The following SV2C variants were observed in gnomAD, a reference collection of about 807,000 sequenced individuals.
SV2C encodes the protein solute carrier family 22 member B3.
In SV2C, 49 loss-of-function variants were observed where a neutral mutation model predicts 79.7. That is an observed-to-expected ratio of 0.61 (90% CI 0.49 to 0.78). The LOEUF (loss-of-function observed/expected upper bound fraction) is 0.78. Among genes scored for constraint, SV2C ranks in the 30% least tolerant of loss-of-function variants. SV2C has a pLI of 0.00. For missense variants in SV2C, 833 were observed against 912.9 expected (o/e 0.91, Z 1.13); for synonymous variants, 334 against 333.2 (o/e 1.00, Z -0.03).
At chr5:76,070,046 C>T in the SV2C span, among the ~76,000 whole-genome samples, 5 of 152,146 alleles carry the variant, frequency 3.3e-5, no homozygotes, top group African/African-American at 1.2e-4. Flanking sequence ...TCTCTCAGGT[C>T]ATCTTCCACA....
chr5:76,076,392 C>T, the SV2C span, among the ~76,000 whole-genome samples: 1 of 152,120 alleles, frequency 6.6e-6, no homozygotes, highest in Non-Finnish European at 1.5e-5. Context: ...AAATTATGAC[C>T]AATAGTTCTA....
rs1245853551 is a variant in SV2C at position 76,326,335 on chromosome 5, C to A, written c.*788C>A. The A allele has an allele frequency of 1.3e-5, 2 of 152,208 alleles. No individual in the cohort carries two copies. Among genetic ancestry groups the A allele is most frequent in the Admixed American group, 1.3e-4 (2 of 15,284 alleles). The allele number at this position is 152,208 out of a possible 1,614,324, so 9.4% of individuals were successfully genotyped here. A position where few individuals can be genotyped will look rare whatever the true frequency, so the allele number is the denominator to read the frequency against. On this transcript the variant is annotated 3_prime_UTR_variant, in exon 13 of 13. Transcript: ENST00000502798. Reference sequence around the variant, plus strand: ...AGAGCTTCTGCCTCCATTTACCACTCCCACTCCTTCAGCTGCCCTTGGTCT... The same window carrying A: ...AGAGCTTCTGCCTCCATTTACCACTACCACTCCTTCAGCTGCCCTTGGTCT...
At chr5:76,212,915 C>CT (rs1016411467) in intron 4 of SV2C, among the ~76,000 whole-genome samples, 4 of 152,162 alleles carry the variant, frequency 2.6e-5, no homozygotes, top group Admixed American at 6.5e-5. Flanking sequence ...CCAAAGTACA[C>CT]TTAAGATACT....
intron 2 of SV2C, among the ~76,000 whole-genome samples, chr5:76,186,930 G>C (rs1743938168): frequency 6.6e-6 from 1 of 152,144 alleles, no homozygotes; most frequent in Non-Finnish European, 1.5e-5. Context: ...TACTGCCCTT[G>C]ACACATGGGG....
the SV2C span, among the ~76,000 whole-genome samples, chr5:75,936,407 C>A: frequency 6.6e-6 from 1 of 152,132 alleles, no homozygotes; most frequent in South Asian, 2.1e-4. Flanking sequence ...CAGTTTACTC[C>A]ATTTAATATT....
the SV2C span, among the ~76,000 whole-genome samples, chr5:75,941,347 T>C: frequency 1.3e-5 from 2 of 152,224 alleles, no homozygotes; most frequent in Non-Finnish European, 2.9e-5. Context: ...CTAAAACAGA[T>C]ATTGGCTTTA....
upstream of SV2C, chr5:76,079,307 A>G (rs763991379): frequency 1.2e-5 from 4 of 329,788 alleles, no homozygotes; most frequent in Non-Finnish European, 2.5e-5. Flanking sequence ...ACTAAAATCA[A>G]AGATGGTCAC....
At position 76,174,212 on chromosome 5, in the gene SV2C, T is replaced by C. The variant is rs1205991299; in HGVS notation, c.581-20707T>C. The stretch of plus-strand genomic sequence containing the variant: ...GCAAGCTTGTCAAAACCTAGTACTC[T>C]GCGAACCTCTCACGCTGTCACCGGG... On this transcript the variant is annotated intron_variant, in intron 2 of 12. Transcript: ENST00000502798. 1.9e-6 allele frequency: 3 copies of C among 1,605,222 alleles called. No individual in the cohort carries two copies. In the African/African-American group the frequency reaches 4.0e-5, roughly 21 times the overall value.
chr5:76,270,322 G>A (rs1746803377), intron 4 of SV2C, among the ~76,000 whole-genome samples: 1 of 152,176 alleles, frequency 6.6e-6, no homozygotes, highest in Non-Finnish European at 1.5e-5. Flanking sequence ...GGAAGTACTA[G>A]GTTTGTTCAC....
At chr5:75,853,766 G>A in the SV2C span, among the ~76,000 whole-genome samples, 1 of 151,544 alleles carries the variant, frequency 6.6e-6, no homozygotes, top group Non-Finnish European at 1.5e-5. Flanking sequence ...AAGTGTGTCA[G>A]CAAATTAATT....
intron 4 of SV2C, among the ~76,000 whole-genome samples, chr5:76,280,664 C>G (rs1038567482): frequency 3.3e-5 from 5 of 152,146 alleles, no homozygotes; most frequent in Non-Finnish European, 7.4e-5. Flanking sequence ...GTGGCCGGCT[C>G]CGAGGTGGCC....
At chr5:75,972,992 C>A in the SV2C span, among the ~76,000 whole-genome samples, 192 of 152,108 alleles carry the variant, frequency 1.3e-3, no homozygotes, top group Non-Finnish European at 2.3e-3. Context: ...GAATACTATG[C>A]AGCTATAAAA....
chr5:75,885,325 G>A, the SV2C span, among the ~76,000 whole-genome samples: 2 of 151,988 alleles, frequency 1.3e-5, no homozygotes, highest in Admixed American at 6.6e-5. Flanking sequence ...TATATCCAAA[G>A]AGGTGTAGGA....
At chr5:75,978,305 A>G in the SV2C span, among the ~76,000 whole-genome samples, 1 of 152,114 alleles carries the variant, frequency 6.6e-6, no homozygotes, top group African/African-American at 2.4e-5. Context: ...TCTTCGCTGG[A>G]TATTCCTCTC....
At chr5:76,248,207 T>A (rs1265696660) in intron 4 of SV2C, among the ~76,000 whole-genome samples, 1 of 152,224 alleles carries the variant, frequency 6.6e-6, no homozygotes, top group Non-Finnish European at 1.5e-5. Flanking sequence ...GTTAGTTTGC[T>A]AGGGCTGCCA....
upstream of SV2C, among the ~76,000 whole-genome samples, chr5:76,082,577 TTC>T (rs1480847750): frequency 1.4e-5 from 2 of 145,770 alleles, no homozygotes; most frequent in Non-Finnish European, 1.5e-5. Flanking sequence ...CTTTCTCTTT[TTC>T]TTTCTTTCTT....
the SV2C span, among the ~76,000 whole-genome samples, chr5:75,887,710 G>A: frequency 3.5e-4 from 53 of 152,118 alleles, no homozygotes; most frequent in Non-Finnish European, 3.1e-4. Context: ...GGGACTTAGA[G>A]CATTCCTACA....
chr5:76,161,510 A>C (rs996442841), intron 2 of SV2C, among the ~76,000 whole-genome samples: 5 of 151,784 alleles, frequency 3.3e-5, no homozygotes, highest in African/African-American at 9.7e-5. Flanking sequence ...TTTCTTTTTT[A>C]TTTTTGTAGA....
the SV2C span, among the ~76,000 whole-genome samples, chr5:75,898,239 T>C: frequency 1.1e-4 from 17 of 152,202 alleles, no homozygotes; most frequent in Non-Finnish European, 2.4e-4. Context: ...TTGAGATACG[T>C]CCCATCAATA....
Sources: gnomAD v4.1 joint callset for allele counts (sites outside exome capture counted in the v4.1 genomes callset) on GRCh38, gnomAD v4.1.1 for gene constraint, MANE v1.5 for transcripts, NCBI Gene and HGNC (gene_info 2026-07-23, HGNC 2026-07-21) for gene names.